The following MMP16 variants were observed in gnomAD, a reference collection of about 807,000 sequenced individuals.
The protein encoded by MMP16 is matrix metallopeptidase 16.
A neutral mutation model predicts 67.8 loss-of-function variants in MMP16; 12 were observed. The observed-to-expected ratio is 0.18, with a 90% CI of 0.11 to 0.29. MMP16 has a LOEUF of 0.29. MMP16 is among the 10% of genes least tolerant of loss of function. The pLI, the probability that MMP16 is intolerant of heterozygous loss-of-function variation, is 1.00. For missense variants in MMP16, 475 were observed against 765.7 expected, an observed-to-expected ratio of 0.62 and a Z score of 4.48; for synonymous variants, 249 against 255.9, an observed-to-expected ratio of 0.97 and a Z score of 0.26.
At chr8:88,305,075 G>A (rs1249163442) in intron 1 of MMP16, among the ~76,000 whole-genome samples, 1 of 152,064 alleles carries the variant, frequency 6.6e-6, no homozygotes, top group Non-Finnish European at 1.5e-5. Context: ...AAGACACATA[G>A]GCTTGAAATA....
chr8:88,166,966 G>A (rs1808724861), intron 4 of MMP16, among the ~76,000 whole-genome samples: 2 of 151,856 alleles, frequency 1.3e-5, no homozygotes, highest in Non-Finnish European at 2.9e-5. Flanking sequence ...TGACTCCAAG[G>A]TGGGTGGATC....
intron 2 of MMP16, among the ~76,000 whole-genome samples, chr8:88,189,738 T>C (rs1297544574): frequency 1.3e-5 from 2 of 152,202 alleles, no homozygotes; most frequent in Non-Finnish European, 2.9e-5. Flanking sequence ...CTGTCTGGAA[T>C]ACTTTTCACT....
At chr8:88,216,670 G>T (rs1225086223) in intron 1 of MMP16, among the ~76,000 whole-genome samples, 6 of 152,022 alleles carry the variant, frequency 3.9e-5, no homozygotes, top group Non-Finnish European at 5.9e-5. Context: ...TATCAAGTTT[G>T]TTTTGCAGAT....
chr8:88,092,891 C>T (rs1309095665), intron 6 of MMP16, among the ~76,000 whole-genome samples: 1 of 151,704 alleles, frequency 6.6e-6, no homozygotes, highest in Non-Finnish European at 1.5e-5. Flanking sequence ...ATGAGACTGA[C>T]CATCTGTATC....
intron 1 of MMP16, among the ~76,000 whole-genome samples, chr8:88,293,983 T>C (rs1462280605): frequency 1.3e-5 from 2 of 152,006 alleles, no homozygotes; most frequent in Non-Finnish European, 2.9e-5. Context: ...ACTTCAAAGC[T>C]AGACCAACCA....
At chr8:88,233,916 TC>T (rs755230957) in intron 1 of MMP16, among the ~76,000 whole-genome samples, 7 of 152,342 alleles carry the variant, frequency 4.6e-5, no homozygotes, top group Non-Finnish European at 1.0e-4. Context: ...GAGCGCCAGA[TC>T]CAGTTATTTC....
At chr8:88,244,269 A>C (rs550430100) in intron 1 of MMP16, among the ~76,000 whole-genome samples, 2 of 152,334 alleles carry the variant, frequency 1.3e-5, no homozygotes, top group East Asian at 3.9e-4. Flanking sequence ...TAATTGGGAA[A>C]TATAAAAATG....
chr8:88,174,856 G>T (rs187961800), intron 3 of MMP16, among the ~76,000 whole-genome samples: 10 of 151,768 alleles, frequency 6.6e-5, no homozygotes, highest in Non-Finnish European at 1.5e-4. Context: ...CCGGGTTCAA[G>T]CAATTCTCCT....
chr8:88,095,439 C>T (rs1341081501), intron 6 of MMP16, among the ~76,000 whole-genome samples: 3 of 151,756 alleles, frequency 2.0e-5, no homozygotes, highest in South Asian at 2.1e-4. Context: ...CTTCCCCATC[C>T]GTACCATGGG....
At chr8:88,297,423 C>T (rs1030825545) in intron 1 of MMP16, among the ~76,000 whole-genome samples, 11 of 152,162 alleles carry the variant, frequency 7.2e-5, no homozygotes, top group Non-Finnish European at 1.2e-4. Flanking sequence ...GAGAAGAAAT[C>T]AGCCTCAGTC....
intron 1 of MMP16, among the ~76,000 whole-genome samples, chr8:88,263,348 C>T (rs1810421101): frequency 6.6e-6 from 1 of 152,134 alleles, no homozygotes; most frequent in East Asian, 1.9e-4. Context: ...TATATATAAA[C>T]TGTTCTGGCT....
chr8:88,263,546 G>A (rs1810423556), intron 1 of MMP16, among the ~76,000 whole-genome samples: 1 of 152,140 alleles, frequency 6.6e-6, no homozygotes, highest in Non-Finnish European at 1.5e-5. Context: ...TAACATCAAG[G>A]TAACAGCAGG....
At chr8:88,224,610 T>A (rs1467997979) in intron 1 of MMP16, among the ~76,000 whole-genome samples, 2 of 152,012 alleles carry the variant, frequency 1.3e-5, no homozygotes, top group African/African-American at 4.8e-5. Flanking sequence ...ATGCAGACTA[T>A]TGGAAACAAG....
intron 6 of MMP16, among the ~76,000 whole-genome samples, chr8:88,085,156 G>A (rs1808813332): frequency 1.3e-5 from 2 of 152,012 alleles, no homozygotes; most frequent in South Asian, 4.1e-4. Context: ...GTACTGTAGT[G>A]TTTAAAAAGA....
intron 2 of MMP16, among the ~76,000 whole-genome samples, chr8:88,196,504 CAATA>C (rs985042421): frequency 1.3e-5 from 2 of 151,886 alleles, no homozygotes; most frequent in Admixed American, 6.6e-5. Flanking sequence ...ATAAAGCACC[CAATA>C]AAGAGCTGAA....
chr8:88,171,410 G>C (rs1808801898), intron 3 of MMP16, among the ~76,000 whole-genome samples: 1 of 152,218 alleles, frequency 6.6e-6, no homozygotes, highest in African/African-American at 2.4e-5. Flanking sequence ...AATCTGGGAA[G>C]TCAGTGCCCA....
chr8:88,089,222 A>G (rs1808892767), intron 6 of MMP16, among the ~76,000 whole-genome samples: 1 of 152,058 alleles, frequency 6.6e-6, no homozygotes, highest in Non-Finnish European at 1.5e-5. Flanking sequence ...GCAAGGAAGG[A>G]TGAAGTTGAC....
At chr8:88,292,512 T>C (rs1033146310) in intron 1 of MMP16, among the ~76,000 whole-genome samples, 3 of 152,210 alleles carry the variant, frequency 2.0e-5, no homozygotes, top group South Asian at 2.1e-4. Context: ...GGCTGTTATG[T>C]ACCCAAATTG....
chr8:88,130,949 C>T (rs895837412), intron 4 of MMP16, among the ~76,000 whole-genome samples: 1 of 151,696 alleles, frequency 6.6e-6, no homozygotes, highest in African/African-American at 2.4e-5. Context: ...CAAAAAAAGG[C>T]AAGGGATGTA....
Sources: allele counts gnomAD v4.1 joint callset (sites outside exome capture counted in the v4.1 genomes callset), GRCh38; gene constraint gnomAD v4.1.1; transcripts MANE v1.5; gene names NCBI Gene and HGNC (gene_info 2026-07-23, HGNC 2026-07-21).